The following STK38L variants were observed in gnomAD, a reference collection of about 807,000 sequenced individuals.
STK38L encodes the protein serine/threonine kinase 38 like, also known as serine/threonine-protein kinase 38-like.
In STK38L, 28 loss-of-function variants were observed where a neutral mutation model predicts 59.7. The observed-to-expected ratio is 0.47, with a 90% CI of 0.35 to 0.64. The LOEUF (loss-of-function observed/expected upper bound fraction) is 0.64. Ranked by LOEUF, STK38L falls within the 30% of genes least tolerant of loss-of-function variation. The probability of loss-of-function intolerance (pLI) is 0.01; values close to 1 mark genes in which losing one functional copy is unlikely to be tolerated. For synonymous variants in STK38L, 162 were observed against 176.8 expected (o/e 0.92, Z 0.66); for missense variants, 314 against 555.8 (o/e 0.56, Z 4.37).
At chr12:27,315,933 C>G (rs1426089975) in intron 9 of STK38L, among the ~76,000 whole-genome samples, 1 of 152,128 alleles carries the variant, frequency 6.6e-6, no homozygotes, top group African/African-American at 2.4e-5. Flanking sequence ...AATTGCTTCC[C>G]CTTTCTCCTC....
intron 3 of STK38L, among the ~76,000 whole-genome samples, chr12:27,306,822 C>A (rs1944328521): frequency 6.6e-6 from 1 of 151,754 alleles, no homozygotes; most frequent in East Asian, 1.9e-4. Flanking sequence ...CTCACTGCAA[C>A]CTCTGCCTCC....
chr12:27,303,134 CCT>C (rs1200212596), intron 3 of STK38L, among the ~76,000 whole-genome samples: 1 of 151,938 alleles, frequency 6.6e-6, no homozygotes, highest in East Asian at 1.9e-4. Flanking sequence ...TTTGATGTCC[CCT>C]GTCTTGCCTG....
intron 1 of STK38L, chr12:27,245,875 T>TA (rs1942840019): frequency 1.3e-5 from 2 of 152,236 alleles, no homozygotes; most frequent in African/African-American, 4.8e-5. Flanking sequence ...AGATGGCTGA[T>TA]AATGTTTCCC....
At chr12:27,257,441 T>C (rs2136606526) in intron 1 of STK38L, among the ~76,000 whole-genome samples, 1 of 152,340 alleles carries the variant, frequency 6.6e-6, no homozygotes, top group South Asian at 2.1e-4. Context: ...CCTCCTTCTG[T>C]CAACATAGTT....
At chr12:27,278,360 C>T (rs1943581110) in intron 1 of STK38L, among the ~76,000 whole-genome samples, 1 of 152,226 alleles carries the variant, frequency 6.6e-6, no homozygotes. Context: ...TGATCTTCCC[C>T]TGTTCTAAAG....
At chr12:27,271,953 G>A (rs1013020514) in intron 1 of STK38L, among the ~76,000 whole-genome samples, 7 of 152,120 alleles carry the variant, frequency 4.6e-5, no homozygotes, top group African/African-American at 1.7e-4. Context: ...ACCTGCCTTG[G>A]CCTCCCAAAG....
intron 1 of STK38L, among the ~76,000 whole-genome samples, chr12:27,261,779 A>G (rs2029097): frequency 0.78 from 118,698 of 152,094 alleles, 46,543 homozygotes; most frequent in Non-Finnish European, 0.83. Flanking sequence ...TGGGGAGTGG[A>G]GAGCAGTAAT....
At chr12:27,244,815 AAGAC>A (rs1481473084) in intron 1 of STK38L, among the ~76,000 whole-genome samples, 2 of 152,094 alleles carry the variant, frequency 1.3e-5, no homozygotes, top group African/African-American at 4.8e-5. Flanking sequence ...AACATTTCTC[AAGAC>A]AGACTCAGGA....
chr12:27,269,504 T>TG (rs1306210679), intron 1 of STK38L, among the ~76,000 whole-genome samples: 2 of 152,210 alleles, frequency 1.3e-5, no homozygotes, highest in African/African-American at 4.8e-5. Context: ...ACCAGTACCA[T>TG]GCTGTTTTGG....
At chr12:27,300,803 A>G (rs985789972) in intron 2 of STK38L, among the ~76,000 whole-genome samples, 1 of 152,262 alleles carries the variant, frequency 6.6e-6, no homozygotes, top group African/African-American at 2.4e-5. Context: ...CTGATGTATC[A>G]ACAGGCTTTA....
At chr12:27,304,890 AT>A (rs35728258) in intron 3 of STK38L, among the ~76,000 whole-genome samples, 15,571 of 149,854 alleles carry the variant, frequency 0.1, 823 homozygotes, top group South Asian at 0.12. Flanking sequence ...AACTTATATG[AT>A]TTTTTTTTTG....
chr12:27,296,076 C>A (rs1465238852), intron 1 of STK38L, among the ~76,000 whole-genome samples: 1 of 152,230 alleles, frequency 6.6e-6, no homozygotes, highest in East Asian at 1.9e-4. Flanking sequence ...AACTTCAGTT[C>A]CCTACTTTGC....
intron 1 of STK38L, among the ~76,000 whole-genome samples, chr12:27,256,116 G>A (rs770880156): frequency 2.6e-5 from 4 of 152,132 alleles, no homozygotes; most frequent in Non-Finnish European, 5.9e-5. Context: ...TCTTCCTCCA[G>A]TGCCAGAATA....
intron 2 of STK38L, among the ~76,000 whole-genome samples, chr12:27,300,182 C>T (rs1944130772): frequency 1.3e-5 from 2 of 152,008 alleles, no homozygotes; most frequent in African/African-American, 4.8e-5. Flanking sequence ...TATGTCAAGT[C>T]GAACAATCTG....
intron 1 of STK38L, among the ~76,000 whole-genome samples, chr12:27,258,127 G>A (rs1302790501): frequency 6.6e-6 from 1 of 151,940 alleles, no homozygotes; most frequent in Non-Finnish European, 1.5e-5. Context: ...AAAGTGTTAG[G>A]ATTACAGGCA....
chr12:27,312,787 C>T (rs1944486748), intron 6 of STK38L, 115 bp downstream of exon 6: 1 of 1,280,124 alleles, frequency 7.8e-7, no homozygotes, highest in African/African-American at 1.5e-5. Context: ...TTTACATAGT[C>T]ACAGTTTAAA....
At chr12:27,252,426 G>C (rs1427865220) in intron 1 of STK38L, among the ~76,000 whole-genome samples, 3 of 152,096 alleles carry the variant, frequency 2.0e-5, no homozygotes, top group Non-Finnish European at 4.4e-5. Flanking sequence ...TTGTACTAGT[G>C]TCTGTTTTAT....
intron 7 of STK38L, 68 bp downstream of exon 7, chr12:27,314,726 G>T: frequency 6.7e-7 from 1 of 1,485,100 alleles, no homozygotes; most frequent in Non-Finnish European, 9.0e-7. Context: ...CTGATTTTGT[G>T]AATGGAAATC....
intron 1 of STK38L, chr12:27,293,549 G>C (rs1943942070): frequency 6.6e-6 from 1 of 151,922 alleles, no homozygotes; most frequent in Non-Finnish European, 1.5e-5. Context: ...ACTTTGTTAG[G>C]ATAAAGTGAC....
Sources: gnomAD v4.1 joint callset for allele counts (sites outside exome capture counted in the v4.1 genomes callset) on GRCh38, gnomAD v4.1.1 for gene constraint, MANE v1.5 for transcripts, NCBI Gene and HGNC (gene_info 2026-07-23, HGNC 2026-07-21) for gene names.